The following NELL1 variants were observed in gnomAD, a reference collection of about 807,000 sequenced individuals.
The protein encoded by NELL1 is protein kinase C-binding protein NELL1.
In NELL1, 76 loss-of-function variants were observed where a neutral mutation model predicts 107.4. That is an observed-to-expected ratio of 0.71 (90% CI 0.59 to 0.86). The LOEUF is 0.86. NELL1 is among the 40% of genes least tolerant of loss of function. The pLI, the probability that NELL1 is intolerant of heterozygous loss-of-function variation, is 0.00. For synonymous variants in NELL1, 353 were observed against 341.2 expected, an observed-to-expected ratio of 1.03 and a Z score of -0.38; for missense variants, 1,024 against 1,005.5, an observed-to-expected ratio of 1.02 and a Z score of -0.25.
At chr11:21,020,390 T>C (rs944310350) in intron 12 of NELL1, among the ~76,000 whole-genome samples, 1 of 152,140 alleles carries the variant, frequency 6.6e-6, no homozygotes, top group African/African-American at 2.4e-5. Flanking sequence ...ATAAGTAAAT[T>C]TGTTACTATA....
In NELL1 at chr11:21,188,603, TA is replaced by T. The variant is rs568924679; in HGVS notation, c.1427-40721del. Among the ~76,000 whole-genome samples, 599 of 151,546 alleles carry T rather than the reference TA, an allele frequency of 4.0e-3. 16 individuals carry two copies. The highest frequency in any genetic ancestry group is 0.014 in the African/African-American group (572 of 41,086). On this transcript the variant is annotated intron_variant, in intron 13 of 19. Transcript: ENST00000357134. Reference sequence around the variant, plus strand: ...TTGTACTGACATTTTTCTAATTAAATAAAAAAAATTTATTTAAAAAGAACCA... The same window carrying T: ...TTGTACTGACATTTTTCTAATTAAATAAAAAAATTTATTTAAAAAGAACCA...
At chr11:21,413,571 GT>G (rs1261000781) in intron 15 of NELL1, among the ~76,000 whole-genome samples, 1 of 151,974 alleles carries the variant, frequency 6.6e-6, no homozygotes, top group African/African-American at 2.4e-5. Flanking sequence ...CCTCACATGG[GT>G]TACTAAGAAT....
intron 5 of NELL1, among the ~76,000 whole-genome samples, chr11:20,915,717 ATTT>A (rs67447563): frequency 6.9e-4 from 40 of 58,174 alleles, no homozygotes; most frequent in African/African-American, 1.5e-3. Context: ...ATATATATAT[ATTT>A]TTTTTTTTTT....
intron 13 of NELL1, among the ~76,000 whole-genome samples, chr11:21,121,308 G>A (rs1445407942): frequency 6.6e-6 from 1 of 152,152 alleles, no homozygotes; most frequent in Non-Finnish European, 1.5e-5. Flanking sequence ...TCATGAAGCA[G>A]GGACTTGGAT....
chr11:20,840,886 A>G (rs942857688), intron 3 of NELL1, among the ~76,000 whole-genome samples: 3 of 152,182 alleles, frequency 2.0e-5, no homozygotes, highest in Admixed American at 2.0e-4. Flanking sequence ...AAGCCATGTA[A>G]TTCAGGTTAT....
At chr11:21,512,878 C>T (rs990837360) in intron 15 of NELL1, among the ~76,000 whole-genome samples, 3 of 152,034 alleles carry the variant, frequency 2.0e-5, no homozygotes, top group African/African-American at 7.2e-5. Context: ...CTAACCGAAC[C>T]TATTACCGCC....
At chr11:20,791,696 T>A (rs148076229) in intron 3 of NELL1, among the ~76,000 whole-genome samples, 1 of 151,336 alleles carries the variant, frequency 6.6e-6, no homozygotes, top group Non-Finnish European at 1.5e-5. Context: ...GTCAGCTGTG[T>A]GGATTTTCAC....
rs1392249931 is a variant in NELL1, at chr11:21,093,366, T to C, written c.1301-20223T>C. 3.9e-5 allele frequency among the ~76,000 whole-genome samples: 6 copies of C among 152,206 alleles called. No homozygotes were observed. In the East Asian group the frequency reaches 1.2e-3, roughly 29 times the overall value. ...TTTTTTTATTTTTATTTTTTTGTTA[T>C]CATGATGCAGTCACTACTAGTTGTA... On this transcript the variant is annotated intron_variant, in intron 12 of 19. Coordinates refer to ENST00000357134, the MANE Select transcript of NELL1 (RefSeq NM_006157.5).
At chr11:21,532,705 C>G (rs1490075325) in intron 15 of NELL1, among the ~76,000 whole-genome samples, 1 of 152,124 alleles carries the variant, frequency 6.6e-6, no homozygotes, top group Non-Finnish European at 1.5e-5. Context: ...TTGGTTGCTG[C>G]TTTGTTACAG....
At chr11:21,569,164 G>T (rs1416562838) in intron 17 of NELL1, among the ~76,000 whole-genome samples, 1 of 151,632 alleles carries the variant, frequency 6.6e-6, no homozygotes, top group East Asian at 2.0e-4. Flanking sequence ...CCTTTTGTAT[G>T]TGTAGTATGT....
At chr11:21,207,711 T>G (rs1366221247) in intron 13 of NELL1, among the ~76,000 whole-genome samples, 1 of 152,120 alleles carries the variant, frequency 6.6e-6, no homozygotes, top group Non-Finnish European at 1.5e-5. Flanking sequence ...CTATGCCAAG[T>G]TTTTACTCTT....
chr11:21,508,859 A>C (rs1173804332), intron 15 of NELL1, among the ~76,000 whole-genome samples: 1 of 152,152 alleles, frequency 6.6e-6, no homozygotes. Context: ...ATATTTAGTT[A>C]AATAAAGGCT....
intron 17 of NELL1, among the ~76,000 whole-genome samples, chr11:21,568,584 C>A (rs1428357201): frequency 6.6e-6 from 1 of 151,784 alleles, no homozygotes; most frequent in Non-Finnish European, 1.5e-5. Flanking sequence ...TACAGCAGTA[C>A]AAAATACTTT....
At chr11:21,265,183 A>T (rs912896546) in intron 14 of NELL1, among the ~76,000 whole-genome samples, 2 of 152,046 alleles carry the variant, frequency 1.3e-5, no homozygotes, top group African/African-American at 4.8e-5. Context: ...TAGACTATAA[A>T]CACCTCTATT....
At chr11:20,686,786 C>T (rs1436070364) in intron 2 of NELL1, among the ~76,000 whole-genome samples, 1 of 152,126 alleles carries the variant, frequency 6.6e-6, no homozygotes, top group Non-Finnish European at 1.5e-5. Flanking sequence ...CTTAATTTAA[C>T]AATTCTCCCC....
intron 4 of NELL1, among the ~76,000 whole-genome samples, chr11:20,882,815 A>G (rs1394625600): frequency 1.3e-5 from 2 of 152,170 alleles, no homozygotes; most frequent in Non-Finnish European, 2.9e-5. Context: ...CCAGGATCCC[A>G]TCTTGCGTAT....
At chr11:20,778,274 C>G (rs1590285073) in intron 2 of NELL1, among the ~76,000 whole-genome samples, 1 of 152,146 alleles carries the variant, frequency 6.6e-6, no homozygotes, top group East Asian at 1.9e-4. Flanking sequence ...TGTCTATCCT[C>G]TAGGGCAGAA....
At chr11:21,141,173 G>A (rs1482589811) in intron 13 of NELL1, among the ~76,000 whole-genome samples, 1 of 152,158 alleles carries the variant, frequency 6.6e-6, no homozygotes, top group African/African-American at 2.4e-5. Flanking sequence ...AAGAAATCTT[G>A]CTTGATTAAA....
chr11:21,543,197 C>A (rs1856337764), intron 16 of NELL1, among the ~76,000 whole-genome samples: 1 of 152,028 alleles, frequency 6.6e-6, no homozygotes. Context: ...TGCCACCTTT[C>A]TTTGATAATA....
Sources: allele counts gnomAD v4.1 joint callset (sites outside exome capture counted in the v4.1 genomes callset), GRCh38; gene constraint gnomAD v4.1.1; transcripts MANE v1.5; gene names NCBI Gene and HGNC (gene_info 2026-07-23, HGNC 2026-07-21).